SREBF2: variants seen among roughly 807,000 people sequenced by gnomAD.
The protein encoded by SREBF2 is sterol regulatory element binding transcription factor 2.
In SREBF2, 55 loss-of-function variants were observed where a neutral mutation model predicts 113.1. The ratio of observed to expected loss-of-function variants is 0.49; its 90% CI spans 0.39 to 0.61. SREBF2 has a LOEUF of 0.61. Ranked by LOEUF, SREBF2 falls within the 20% of genes least tolerant of loss-of-function variation. The probability of loss-of-function intolerance (pLI) is 0.00; values close to 1 mark genes in which losing one functional copy is unlikely to be tolerated. For synonymous variants in SREBF2, 593 were observed against 605.7 expected, an observed-to-expected ratio of 0.98 and a Z score of 0.31; for missense variants, 1,349 against 1,487.4, an observed-to-expected ratio of 0.91 and a Z score of 1.53.
At chr22:41,888,663 G>A (rs778051589) in intron 11 of SREBF2, among the ~76,000 whole-genome samples, 7 of 152,282 alleles carry the variant, frequency 4.6e-5, no homozygotes, top group Admixed American at 1.3e-4. Context: ...AGTATTTGCC[G>A]TTATAAACAG....
chr22:41,877,930 G>A lies in SREBF2; in HGVS notation c.1580-12G>A, dbSNP rs774361693. The A allele has an allele frequency of 6.8e-6, 11 of 1,614,020 alleles. No homozygotes were observed. The highest frequency in any genetic ancestry group is 3.3e-5 in the Admixed American group (2 of 60,002). ...CTTTCCTAGCAGACTCTGCTGAGAC[G>A]CTCCTTCTTAGGTTCTGGGGGCTGG... is the stretch of plus-strand genomic sequence containing the variant. On this transcript the variant is annotated splice_polypyrimidine_tract_variant and intron_variant, in intron 8 of 18. Coordinates refer to ENST00000361204, the MANE Select transcript of SREBF2 (RefSeq NM_004599.4).
chr22:41,890,915 A>AAAAAG (rs548376793), intron 11 of SREBF2, among the ~76,000 whole-genome samples: 42 of 152,234 alleles, frequency 2.8e-4, no homozygotes, highest in African/African-American at 8.2e-4. Flanking sequence ...CTTTAAAAAA[A>AAAAAG]AAAAGAAAAG....
In SREBF2 at chr22:41,889,772, G is replaced by A. The variant is rs578197020; in HGVS notation, c.2209-3345G>A. On this transcript the variant is annotated intron_variant, in intron 11 of 18. Transcript: ENST00000361204. ...TCCCAGCACTTAAGGAGGCTGAGGC[G>A]GGTGGATCACCTAAGGTCAGGAGTT... is the stretch of plus-strand genomic sequence containing the variant. Among the ~76,000 whole-genome samples the A allele has an allele frequency of 1.6e-4, 24 of 151,428 alleles. No individual in the cohort carries two copies. In the South Asian group the frequency reaches 3.1e-3, roughly 20 times the overall value.
At chr22:41,854,334 A>T (rs760759897) in intron 1 of SREBF2, among the ~76,000 whole-genome samples, 1 of 150,492 alleles carries the variant, frequency 6.6e-6, no homozygotes, top group Non-Finnish European at 1.5e-5. Flanking sequence ...GATAATTTTT[A>T]TATTTTTAGT....
At chr22:41,845,953 C>T (rs2076873267) in intron 1 of SREBF2, among the ~76,000 whole-genome samples, 2 of 152,100 alleles carry the variant, frequency 1.3e-5, no homozygotes, top group South Asian at 4.1e-4. Flanking sequence ...ATCAGAGGAG[C>T]CTTCTCAGGG....
chr22:41,869,479 C>CT (rs1009461516), intron 3 of SREBF2, among the ~76,000 whole-genome samples: 7 of 138,212 alleles, frequency 5.1e-5, no homozygotes, highest in East Asian at 2.1e-4. Flanking sequence ...TATTATTAAT[C>CT]TTTTTTTTAA....
chr22:41,867,221 C>A lies in SREBF2; in HGVS notation c.479C>A (p.Pro160Gln). 1 of 1,614,212 alleles carries A rather than the reference C, an allele frequency of 6.2e-7. No individual in the cohort carries two copies. The highest frequency in any genetic ancestry group is 1.3e-5 in the African/African-American group (1 of 75,052). The change falls in exon 2 of 19, where the codon CCG becomes CAG. Residue 160 changes from proline (P) to glutamine (Q), a missense_variant. Pro to Gln is a moderately conservative substitution (Grantham distance 76). Coordinates refer to ENST00000361204, the MANE Select transcript of SREBF2 (RefSeq NM_004599.4). Reference sequence around the variant, plus strand: ...ATCACGCCAACATTCAGCACCACTCCGCAGACGAGGATCATCCAGCAGCCT... The same window carrying A: ...ATCACGCCAACATTCAGCACCACTCAGCAGACGAGGATCATCCAGCAGCCT... ...VMITPTFSTT[P>Q]QTRIIQQPLI...
chr22:41,848,694 A>G (rs1425044575), intron 1 of SREBF2, among the ~76,000 whole-genome samples: 1 of 152,170 alleles, frequency 6.6e-6, no homozygotes, highest in Non-Finnish European at 1.5e-5. Context: ...CACAGGGCTT[A>G]GAGGAAGGAG....
rs1370089832 is a variant in SREBF2, at chr22:41,867,062, C to G, written c.320C>G (p.Pro107Arg). The change falls in exon 2 of 19, where the codon CCA (proline) becomes CGA (arginine). Residue 107 changes from proline to arginine, a missense_variant. Coordinates refer to ENST00000361204, the MANE Select transcript of SREBF2 (RefSeq NM_004599.4). ...TCCTTCTCTCCCTCGGCGGCCTCCC[C>G]ACAGGCTCCAACTCTGCAAGTCAAG... is the stretch of plus-strand genomic sequence containing the variant. Reference protein sequence around the residue: ...LPSFSPSAASPQAPTLQVKVS... With the variant: ...LPSFSPSAASRQAPTLQVKVS... 3 of 1,614,192 alleles carry G rather than the reference C, an allele frequency of 1.9e-6. No homozygotes were observed. In the East Asian group the frequency reaches 6.7e-5, roughly 36 times the overall value.
chr22:41,903,810 A>C (rs139323480), intron 17 of SREBF2, among the ~76,000 whole-genome samples: 89 of 152,258 alleles, frequency 5.8e-4, no homozygotes, highest in African/African-American at 2.0e-3. Context: ...GCTGCCGTGG[A>C]GCTTGGGATT....
At chr22:41,864,243 TATATATATATATATATATACACAC>T (rs1316615380) in intron 1 of SREBF2, among the ~76,000 whole-genome samples, 2 of 92,638 alleles carry the variant, frequency 2.2e-5, no homozygotes, top group African/African-American at 8.3e-5. Flanking sequence ...TATATATATA[TATATATATATATATATATACACAC>T]ACACACACAC....
intron 1 of SREBF2, among the ~76,000 whole-genome samples, chr22:41,840,939 G>A (rs553039378): frequency 1.8e-4 from 28 of 152,270 alleles, no homozygotes; most frequent in Admixed American, 1.2e-3. Context: ...GCACTGATTT[G>A]GGCCTCTGCT....
chr22:41,842,054 G>T (rs1336152966), intron 1 of SREBF2, among the ~76,000 whole-genome samples: 1 of 152,172 alleles, frequency 6.6e-6, no homozygotes, highest in African/African-American at 2.4e-5. Context: ...ATCAGCTGTA[G>T]CCCTTTCATT....
At chr22:41,870,409 A>T (rs1156467335) in intron 3 of SREBF2, among the ~76,000 whole-genome samples, 2 of 152,036 alleles carry the variant, frequency 1.3e-5, no homozygotes, top group Non-Finnish European at 2.9e-5. Flanking sequence ...GGATTTCTTG[A>T]ACCCAAAAGT....
At chr22:41,835,508 C>A (rs2148333347) in intron 1 of SREBF2, among the ~76,000 whole-genome samples, 1 of 152,162 alleles carries the variant, frequency 6.6e-6, no homozygotes, top group East Asian at 1.9e-4. Flanking sequence ...CAGGGTTTCT[C>A]CATGTTGGTC....
In SREBF2 at chr22:41,903,162, C is replaced by A; in HGVS notation, c.3093+7C>A. ...CCGCCCAGCATACCGCAAGGTGAGG[C>A]CCAGCTGGCTGGTGGGGCAGGGCAG... On this transcript the variant is annotated splice_region_variant and intron_variant, in intron 17 of 18. Coordinates refer to ENST00000361204, the MANE Select transcript of SREBF2 (RefSeq NM_004599.4). The A allele has an allele frequency of 1.9e-6, 3 of 1,549,612 alleles. No individual in the cohort carries two copies. Among genetic ancestry groups the A allele is most frequent in the Non-Finnish European group, 2.6e-6 (3 of 1,147,292 alleles).
chr22:41,847,662 C>CATT lies in SREBF2; in HGVS notation c.88+14306_88+14308dup, dbSNP rs756928142. ...GCTCCACCACCTGCTGACTGGGTGA[C>CATT]ATTAGACAAGTTACTTAGCCTCTGA... On this transcript the variant is annotated intron_variant, in intron 1 of 18. Transcript: ENST00000361204. Among the ~76,000 whole-genome samples, 42 of 152,308 alleles carry CATT rather than the reference C, an allele frequency of 2.8e-4. No homozygotes were observed. In the Middle Eastern group the frequency reaches 0.014, roughly 49 times the overall value.
In SREBF2 at chr22:41,864,315, ATATATATATTT is replaced by A. The variant is rs1251366587; in HGVS notation, c.89-2514_89-2504del. Among the ~76,000 whole-genome samples the A allele has an allele frequency of 1.9e-4, 20 of 103,700 alleles. 1 individual carries two copies. The highest frequency in any genetic ancestry group is 8.7e-4 in the African/African-American group (20 of 23,010). 68.0% of individuals were successfully genotyped at this position (103,700 alleles called of 152,430 possible). Reference sequence around the variant, plus strand: ...TCAAAATATATATATATATGTATATATATATATATTTTTTTTTTTTTTTGAGACTGAGTCTC... The same window carrying A: ...TCAAAATATATATATATATGTATATATTTTTTTTTTTTGAGACTGAGTCTC... On this transcript the variant is annotated intron_variant, in intron 1 of 18. Coordinates refer to ENST00000361204, the MANE Select transcript of SREBF2 (RefSeq NM_004599.4).
chr22:41,864,351 C>T (rs2077055995), intron 1 of SREBF2, among the ~76,000 whole-genome samples: 5 of 129,530 alleles, frequency 3.9e-5, no homozygotes, highest in African/African-American at 5.9e-5. Flanking sequence ...GACTGAGTCT[C>T]GCTCTGTTGC....
Sources: gnomAD v4.1 joint callset for allele counts (sites outside exome capture counted in the v4.1 genomes callset) on GRCh38, gnomAD v4.1.1 for gene constraint, MANE v1.5 for transcripts, NCBI Gene and HGNC (gene_info 2026-07-23, HGNC 2026-07-21) for gene names.